CRYZ: variants seen among roughly 807,000 people sequenced by gnomAD.
CRYZ encodes crystallin zeta.
A neutral mutation model predicts 34.1 loss-of-function variants in CRYZ; 35 were observed. The observed-to-expected ratio is 1.03, with a 90% CI of 0.78 to 1.36. The LOEUF is 1.36. Among genes scored for constraint, CRYZ ranks in the 40% most tolerant of loss-of-function variants. CRYZ has a pLI of 0.00. For synonymous variants in CRYZ, 137 were observed against 136.5 expected (o/e 1.00, Z -0.03); for missense variants, 403 against 391.8 (o/e 1.03, Z -0.24).
chr1:74,709,983 C>A, intron 6 of CRYZ, 115 bp downstream of exon 6: 2 of 809,844 alleles, frequency 2.5e-6, no homozygotes, highest in Non-Finnish European at 1.9e-6. Context: ...ATTCATCGCA[C>A]TGAAAAAAGG....
At chr1:74,726,881 T>C (rs984519200) in intron 1 of CRYZ, among the ~76,000 whole-genome samples, 2 of 152,148 alleles carry the variant, frequency 1.3e-5, no homozygotes, top group Admixed American at 6.5e-5. Context: ...TAAATCATCT[T>C]AGGTTCAATG....
intron 4 of CRYZ, among the ~76,000 whole-genome samples, chr1:74,717,511 T>C (rs1013874655): frequency 1.3e-5 from 2 of 152,150 alleles, no homozygotes; most frequent in Non-Finnish European, 2.9e-5. Flanking sequence ...TCAATATCAA[T>C]TGCCACTCCT....
intron 4 of CRYZ, among the ~76,000 whole-genome samples, chr1:74,717,194 T>C (rs1449117315): frequency 1.3e-5 from 2 of 152,162 alleles, no homozygotes; most frequent in Non-Finnish European, 1.5e-5. Flanking sequence ...ATGCAGATCT[T>C]ATTCCATCTG....
At chr1:74,730,626 T>C (rs1032134465) in intron 1 of CRYZ, among the ~76,000 whole-genome samples, 3 of 152,230 alleles carry the variant, frequency 2.0e-5, no homozygotes, top group African/African-American at 7.2e-5. Context: ...ATCCATTTTA[T>C]GGATGAGAAA....
At chr1:74,716,371 C>T (rs955448131) in intron 4 of CRYZ, among the ~76,000 whole-genome samples, 24 of 152,068 alleles carry the variant, frequency 1.6e-4, no homozygotes, top group African/African-American at 5.6e-4. Context: ...CTGACTAATA[C>T]AGTCATCTTC....
chr1:74,726,785 G>C (rs1647364698), intron 1 of CRYZ, among the ~76,000 whole-genome samples: 2 of 152,072 alleles, frequency 1.3e-5, no homozygotes, highest in Non-Finnish European at 2.9e-5. Flanking sequence ...ATATCTTTGT[G>C]AATACATAAA....
At chr1:74,713,873 G>A (rs1647036341) in intron 5 of CRYZ, among the ~76,000 whole-genome samples, 1 of 152,088 alleles carries the variant, frequency 6.6e-6, no homozygotes, top group Non-Finnish European at 1.5e-5. Flanking sequence ...TGGATTTCTT[G>A]TTAAATTCTA....
At chr1:74,709,954 T>C in intron 6 of CRYZ, 144 bp downstream of exon 6, 1 of 640,878 alleles carries the variant, frequency 1.6e-6, no homozygotes, top group South Asian at 2.5e-5. Flanking sequence ...TTAAATAAAG[T>C]TTTAAAACAC....
intron 4 of CRYZ, among the ~76,000 whole-genome samples, chr1:74,717,010 T>C (rs1647086271): frequency 6.6e-6 from 1 of 152,100 alleles, no homozygotes; most frequent in Non-Finnish European, 1.5e-5. Context: ...TCCTACTTAA[T>C]TGTGAAAAGT....
intron 1 of CRYZ, 140 bp downstream of exon 1, chr1:74,732,816 C>T (rs1243845147): frequency 5.8e-6 from 1 of 171,666 alleles, no homozygotes; most frequent in Non-Finnish European, 1.2e-5. Context: ...TGGCTTCGGT[C>T]TGGAGCTCTA....
At chr1:74,718,791 C>T (rs1647112103) in intron 4 of CRYZ, among the ~76,000 whole-genome samples, 1 of 152,100 alleles carries the variant, frequency 6.6e-6, no homozygotes, top group South Asian at 2.1e-4. Context: ...TATTAAATTG[C>T]TGCCTAGATG....
chr1:74,730,125 CT>C (rs751870633), intron 1 of CRYZ, among the ~76,000 whole-genome samples: 26 of 151,256 alleles, frequency 1.7e-4, no homozygotes, highest in East Asian at 7.7e-4. Flanking sequence ...GGATCTGTAT[CT>C]TTCCCCCCCC....
chr1:74,732,424 TAGG>T (rs1647835866), intron 1 of CRYZ, among the ~76,000 whole-genome samples: 1 of 145,326 alleles, frequency 6.9e-6, no homozygotes, highest in South Asian at 2.2e-4. Flanking sequence ...GGGCCCTACC[TAGG>T]AGAAGAAATC....
intron 1 of CRYZ, among the ~76,000 whole-genome samples, chr1:74,729,562 T>C (rs1647587441): frequency 6.6e-6 from 1 of 151,286 alleles, no homozygotes; most frequent in Non-Finnish European, 1.5e-5. Context: ...GGAGGATTGC[T>C]TGAGCCCAGG....
In CRYZ at chr1:74,716,195, C is replaced by CGTGT. The variant is rs1475271223; in HGVS notation, c.429-1566_429-1565insACAC. Among the ~76,000 whole-genome samples, 279 of 147,246 alleles carry CGTGT rather than the reference C, an allele frequency of 1.9e-3. 1 individual carries two copies. The highest frequency in any genetic ancestry group is 6.6e-3 in the African/African-American group (267 of 40,636). ...TCTTTAAAATCAATCAATCTGTGTG[C>CGTGT]GCGTGTGTGTGTGTGTGTGTGTATG... On this transcript the variant is annotated intron_variant, in intron 4 of 8. Transcript: ENST00000340866.
At chr1:74,717,071 T>C (rs1647087426) in intron 4 of CRYZ, among the ~76,000 whole-genome samples, 1 of 152,200 alleles carries the variant, frequency 6.6e-6, no homozygotes, top group Admixed American at 6.5e-5. Context: ...TATCCATAAA[T>C]GTTTCCATAA....
intron 6 of CRYZ, 119 bp downstream of exon 6, chr1:74,709,979 C>T (rs967963966): frequency 2.2e-5 from 16 of 744,112 alleles, no homozygotes; most frequent in Admixed American, 5.9e-5. Context: ...AAAAATTCAT[C>T]GCACTGAAAA....
chr1:74,713,560 A>T (rs1462767692), intron 5 of CRYZ, among the ~76,000 whole-genome samples: 1 of 152,148 alleles, frequency 6.6e-6, no homozygotes, highest in Non-Finnish European at 1.5e-5. Flanking sequence ...GATCTATTTG[A>T]AGTGTAGGAA....
rs1012967458 is a variant in CRYZ at position 74,731,872 on chromosome 1, C to T, written c.-14+1084G>A. ...CTAGAAACTCAGTATAAACATCCAACGATGTGTTAACAGGGTGTTTTGTAA... is the reference window on the plus strand; with the variant it reads ...CTAGAAACTCAGTATAAACATCCAATGATGTGTTAACAGGGTGTTTTGTAA... On this transcript the variant is annotated intron_variant, in intron 1 of 8. Transcript: ENST00000340866. Among the ~76,000 whole-genome samples, 4 of 152,280 alleles carry T rather than the reference C, an allele frequency of 2.6e-5. No homozygotes were observed. The South Asian group carries it at 6.2e-4, about 24-fold the overall frequency.
Sources: gnomAD v4.1 joint callset for allele counts (sites outside exome capture counted in the v4.1 genomes callset) on GRCh38, gnomAD v4.1.1 for gene constraint, MANE v1.5 for transcripts, NCBI Gene and HGNC (gene_info 2026-07-23, HGNC 2026-07-21) for gene names.